Variants in IGSF22 observed in about 807,000 individuals in gnomAD.
IGSF22 encodes the protein immunoglobulin superfamily member 22.
A neutral mutation model predicts 127.0 loss-of-function variants in IGSF22; 119 were observed. The ratio of observed to expected loss-of-function variants is 0.94; its 90% CI spans 0.81 to 1.09. IGSF22 has a LOEUF of 1.09. Ranked by LOEUF, IGSF22 falls within the 50% of genes least tolerant of loss-of-function variation. The pLI, the probability that IGSF22 is intolerant of heterozygous loss-of-function variation, is 0.00. For synonymous variants in IGSF22, 568 were observed against 664.7 expected (o/e 0.85, Z 2.24); for missense variants, 1,518 against 1,716.6 (o/e 0.88, Z 2.04).
chr11:18,713,821 T>TCAGCC (rs1848402232), intron 14 of IGSF22, 31 bp downstream of exon 14: 1 of 1,554,750 alleles, frequency 6.4e-7, no homozygotes. Flanking sequence ...TGCCCTCAGC[T>TCAGCC]CAGCCCAGCC....
In IGSF22 at chr11:18,718,040, C is replaced by T. The variant is rs1391121273; in HGVS notation, c.864G>A (p.Gln288=). 1.9e-6 allele frequency: 3 copies of T among 1,614,098 alleles called. No individual in the cohort carries two copies. The highest frequency in any genetic ancestry group is 1.7e-5 in the Admixed American group (1 of 60,008). The change falls in exon 9 of 23, where the codon CAG becomes CAA. Residue 288 remains glutamine, a synonymous_variant. Transcript: ENST00000513874. ...TAACCAGCATGTACTTGGTGCCCATCTGCTTCACATCGTACTTGCCCAGGG... is the reference window on the plus strand; with the variant it reads ...TAACCAGCATGTACTTGGTGCCCATTTGCTTCACATCGTACTTGCCCAGGG... ...QYSLGKYDVK[Q]MGTKYMLVIS... is the part of the protein sequence containing the mutation.
In IGSF22 at chr11:18,714,425, G is replaced by T; in HGVS notation, c.1657-7C>A. ...TGCCTGGCAAGTCCGTGATCTGGGGGTCAGGGGTGGGCCTGAGTGTGAGCA... is the reference window on the plus strand; with the variant it reads ...TGCCTGGCAAGTCCGTGATCTGGGGTTCAGGGGTGGGCCTGAGTGTGAGCA... On this transcript the variant is annotated splice_region_variant and splice_polypyrimidine_tract_variant and intron_variant, in intron 12 of 22. Coordinates refer to ENST00000513874, the MANE Select transcript of IGSF22 (RefSeq NM_173588.4). 2 of 1,614,056 alleles carry T rather than the reference G, an allele frequency of 1.2e-6. No individual in the cohort carries two copies. The highest frequency in any genetic ancestry group is 2.2e-5 in the South Asian group (2 of 91,072).
intron 16 of IGSF22, 28 bp downstream of exon 16, chr11:18,710,627 T>C: frequency 6.2e-7 from 1 of 1,604,146 alleles, no homozygotes; most frequent in East Asian, 2.2e-5. Flanking sequence ...CTTTGGTCAC[T>C]CCTGGGCCTC....
chr11:18,718,681 G>T lies in IGSF22; in HGVS notation c.744C>A (p.Asp248Glu), dbSNP rs73428416. The change falls in exon 8 of 23, where the codon GAC becomes GAA. Residue 248 changes from aspartate to glutamate, a missense_variant. By Grantham distance (45) the Asp-to-Glu change is conservative (BLOSUM62 2). Transcript: ENST00000513874. Reference sequence around the variant, plus strand: ...TTATGCAGTCAAAGACCACTGTGGTGTCAACCTTGGTCTCTTTGTCTTCCA... The same window carrying T: ...TTATGCAGTCAAAGACCACTGTGGTTTCAACCTTGGTCTCTTTGTCTTCCA... ...KPLEDKETKV[D>E]TTVVFDCIME... is the part of the protein sequence containing the mutation. 3.0e-3 allele frequency: 4,850 copies of T among 1,613,498 alleles called. 126 individuals carry two copies. The African/African-American group carries it at 0.056, about 19-fold the overall frequency.
At chr11:18,724,365 G>C in intron 1 of IGSF22, 96 bp from the exon 2 acceptor site, 3 of 637,988 alleles carry the variant, frequency 4.7e-6, no homozygotes, top group Non-Finnish European at 8.4e-6. Flanking sequence ...GGAGATGGAA[G>C]CACACAGGAG....
chr11:18,705,118 G>A (rs879904247), intron 22 of IGSF22, among the ~76,000 whole-genome samples: 1 of 151,866 alleles, frequency 6.6e-6, no homozygotes, highest in Non-Finnish European at 1.5e-5. Context: ...TGTCATGGAA[G>A]GTTCAGGAGT....
At chr11:18,723,920 T>C (rs1170558174) in intron 2 of IGSF22, among the ~76,000 whole-genome samples, 3 of 152,250 alleles carry the variant, frequency 2.0e-5, no homozygotes, top group Non-Finnish European at 4.4e-5. Flanking sequence ...CTAAGCTGTT[T>C]TCCTGGAGAT....
chr11:18,710,528 A>G, intron 16 of IGSF22, 73 bp from the exon 17 acceptor site: 1 of 1,599,056 alleles, frequency 6.3e-7, no homozygotes, highest in Non-Finnish European at 8.5e-7. Context: ...GAGACATAGA[A>G]GAGGAGGTCA....
Position 18,704,529 on chromosome 11 carries a change from T to C in IGSF22, c.3920A>G (p.Asp1307Gly), listed in dbSNP as rs772744685. The change falls in exon 23 of 23, where the codon GAT becomes GGT. Residue 1307 changes from aspartate to glycine, a missense_variant. Asp to Gly is a moderately conservative substitution (Grantham distance 94, BLOSUM62 -1). This residue lies in a region of IGSF22 where 58 missense variants were observed against 53.0 expected (regional missense o/e 1.10). Coordinates refer to ENST00000513874, the MANE Select transcript of IGSF22 (RefSeq NM_173588.4). ...GGTGATGGATGCTACAACTGACTTA[T>C]CATCTTTGTCTGAAAGAGCAAAGGA... ...SCTLTVYDKD[D>G]KSVVASITES... is the part of the protein sequence containing the mutation. 203 of 1,548,686 alleles carry C rather than the reference T, an allele frequency of 1.3e-4. No homozygotes were observed. The highest frequency in any genetic ancestry group is 1.7e-4 in the Middle Eastern group (1 of 6,012).
chr11:18,717,578 T>G (rs1259006564), intron 9 of IGSF22, among the ~76,000 whole-genome samples: 10 of 152,090 alleles, frequency 6.6e-5, no homozygotes, highest in Admixed American at 5.9e-4. Context: ...TATTTATTTT[T>G]GTAGAGATGG....
Position 18,704,410 on chromosome 11 carries a change from G to A in IGSF22, c.*58C>T. The stretch of plus-strand genomic sequence containing the variant: ...GCTTCCTACACTGGGCCATGCAGAG[G>A]ACAGGCCAAGAAACTCCACATCATA... On this transcript the variant is annotated 3_prime_UTR_variant, in exon 23 of 23. Coordinates refer to ENST00000513874, the MANE Select transcript of IGSF22 (RefSeq NM_173588.4). 8.4e-7 allele frequency: 1 copy of A among 1,185,682 alleles called. No individual in the cohort carries two copies. The highest frequency in any genetic ancestry group is 1.3e-5 in the South Asian group (1 of 76,790). The allele number at this position is 1,185,682 out of a possible 1,614,324, so 73.4% of individuals were successfully genotyped here. A position where few individuals can be genotyped will look rare whatever the true frequency, so the allele number is the denominator to read the frequency against.
rs1381040587 is a variant in IGSF22, at chr11:18,721,764, T to TGGGCCTGGCCCC, written c.242-105_242-94dup. The TGGGCCTGGCCCC allele has an allele frequency of 4.4e-6, 7 of 1,593,528 alleles. No individual in the cohort carries two copies. The East Asian group carries it at 1.3e-4, about 31-fold the overall frequency. ...GGCTCTCTGCCTCCTCCCAGACACC[T>TGGGCCTGGCCCC]GGGCCTGGCCCCGGGCAGGGGAGGA... On this transcript the variant is annotated intron_variant, in intron 3 of 22. Coordinates refer to ENST00000513874, the MANE Select transcript of IGSF22 (RefSeq NM_173588.4).
In IGSF22 at chr11:18,720,243, T is replaced by A; in HGVS notation, c.421A>T (p.Ile141Phe). The change falls in exon 5 of 23, where the codon ATT becomes TTT. Residue 141 changes from isoleucine (I) to phenylalanine (F), a missense_variant. Around this residue, in one of 3 missense-constraint regions of IGSF22, gnomAD observed 1,456 missense variants for 1,644.9 expected, o/e 0.89. Transcript: ENST00000513874. ...TSDDSDNYKCIASNDHADAIY... is the reference protein window; with the variant it reads ...TSDDSDNYKCFASNDHADAIY... ...GCATCTGCATGGTCATTGCTTGCAATGCACTTATAGTTGTCAGAGTCATCC... is the reference window on the plus strand; with the variant it reads ...GCATCTGCATGGTCATTGCTTGCAAAGCACTTATAGTTGTCAGAGTCATCC... 7.4e-6 allele frequency: 12 copies of A among 1,614,156 alleles called. No individual in the cohort carries two copies. Among genetic ancestry groups the A allele is most frequent in the Non-Finnish European group, 1.0e-5 (12 of 1,180,008 alleles).
At chr11:18,714,448 G>C in intron 12 of IGSF22, 30 bp from the exon 13 acceptor site, 4 of 1,614,162 alleles carry the variant, frequency 2.5e-6, no homozygotes, top group Non-Finnish European at 3.4e-6. Flanking sequence ...CTGAGTGTGA[G>C]CATAGGCCAG....
In IGSF22 at chr11:18,709,701, T is replaced by C. The variant is rs770093128; in HGVS notation, c.2702-18A>G. On this transcript the variant is annotated intron_variant, in intron 17 of 22. Transcript: ENST00000513874. This position sits in a 1 kb window ranked among gnomAD's most constrained non-coding sequence, Gnocchi z 4.8. ...TGGGGGTTCTGGGGTAGAACAGACA[T>C]GTAGTCAGCCCCTCCAACTCATCTC... 3.1e-6 allele frequency: 5 copies of C among 1,606,892 alleles called. No homozygotes were observed. Among genetic ancestry groups the C allele is most frequent in the Middle Eastern group, 1.6e-4 (1 of 6,062 alleles).
chr11:18,723,639 C>T (rs939868536), intron 2 of IGSF22, among the ~76,000 whole-genome samples: 19 of 152,246 alleles, frequency 1.2e-4, no homozygotes, highest in Non-Finnish European at 2.5e-4. Context: ...TCTTCCAAGT[C>T]TGGCCCCAGA....
intron 2 of IGSF22, 53 bp from the exon 3 acceptor site, chr11:18,722,094 C>T: frequency 6.2e-7 from 1 of 1,605,764 alleles, no homozygotes; most frequent in Non-Finnish European, 8.5e-7. Flanking sequence ...GCCCAGCTCG[C>T]GATGGGAGGA....
Position 18,717,971 on chromosome 11 carries a change from G to A in IGSF22, c.933C>T (p.Ser311=), listed in dbSNP as rs748562268. Residue 311 remains serine (S), a synonymous_variant, in exon 9 of 23, where the codon TCC becomes TCT. Coordinates refer to ENST00000513874, the MANE Select transcript of IGSF22 (RefSeq NM_173588.4). ...CTGCACTCATCCGCTTATCGCCCAC[G>A]GACAGGCTGTAGATGCCAGCATCGT... ...NMNDAGIYSL[S]VGDKRMSAEL... The A allele has an allele frequency of 2.7e-5, 44 of 1,614,050 alleles. No individual in the cohort carries two copies. The highest frequency in any genetic ancestry group is 3.6e-5 in the Non-Finnish European group (42 of 1,180,058).
chr11:18,722,699 C>G (rs541908142), intron 2 of IGSF22, among the ~76,000 whole-genome samples: 4 of 152,242 alleles, frequency 2.6e-5, no homozygotes, highest in African/African-American at 9.6e-5. Context: ...AACAATTGCT[C>G]TGAATCATGG....
Sources: gnomAD v4.1 joint callset for allele counts (sites outside exome capture counted in the v4.1 genomes callset) on GRCh38, gnomAD v4.1.1 for gene constraint, gnomAD v4.1.1 regional missense constraint, Gnocchi (gnomAD v3.1) non-coding constraint, MANE v1.5 for transcripts, NCBI Gene and HGNC (gene_info 2026-07-23, HGNC 2026-07-21) for gene names.